Variants in FHL5 observed in about 807,000 individuals in gnomAD.
FHL5 encodes the protein four and a half LIM domains 5.
In FHL5, 33 loss-of-function variants were observed where a neutral mutation model predicts 32.0. That is an observed-to-expected ratio of 1.03 (90% CI 0.78 to 1.38). FHL5 has a LOEUF of 1.38. Ranked by LOEUF, FHL5 falls within the 40% of genes most tolerant of loss-of-function variation. FHL5 has a pLI of 0.00. For missense variants in FHL5, 336 were observed against 343.9 expected (o/e 0.98, Z 0.18); for synonymous variants, 114 against 113.6 (o/e 1.00, Z -0.02).
At chr6:96,610,836 A>G (rs111924366) in intron 5 of FHL5, 78 bp downstream of exon 5, 26,623 of 1,077,102 alleles carry the variant, frequency 0.025, 441 homozygotes, top group Non-Finnish European at 0.027. Context: ...AATTTAGGAA[A>G]AGCAATTAAA....
chr6:96,600,227 T>C (rs962914323), intron 1 of FHL5, among the ~76,000 whole-genome samples: 3 of 152,224 alleles, frequency 2.0e-5, no homozygotes, highest in Non-Finnish European at 2.9e-5. Flanking sequence ...CAAAAGCTTG[T>C]TACTCAATTC....
At chr6:96,592,776 C>T (rs375902685) in intron 1 of FHL5, among the ~76,000 whole-genome samples, 11 of 152,282 alleles carry the variant, frequency 7.2e-5, no homozygotes, top group East Asian at 3.9e-4. Context: ...CCAGTCCCTC[C>T]GTTCAGGGTC....
At chr6:96,563,391 T>C (rs975003844) in intron 1 of FHL5, 36 bp downstream of exon 1, 3 of 152,168 alleles carry the variant, frequency 2.0e-5, no homozygotes, top group African/African-American at 7.2e-5. Flanking sequence ...CTTTGTTTTG[T>C]TTTGTGGTAT....
At chr6:96,567,643 T>C (rs74462104) in intron 1 of FHL5, among the ~76,000 whole-genome samples, 6,824 of 151,850 alleles carry the variant, frequency 0.045, 457 homozygotes, top group African/African-American at 0.14. Context: ...TTCCATTTTT[T>C]GTGTCTTCTT....
chr6:96,573,657 G>C (rs1320032667), intron 1 of FHL5, among the ~76,000 whole-genome samples: 1 of 151,048 alleles, frequency 6.6e-6, no homozygotes, highest in African/African-American at 2.4e-5. Flanking sequence ...TAGTAGCTGG[G>C]ACTACAGGTG....
intron 2 of FHL5, among the ~76,000 whole-genome samples, chr6:96,604,144 AG>A (rs1771217959): frequency 6.6e-6 from 1 of 152,144 alleles, no homozygotes; most frequent in Non-Finnish European, 1.5e-5. Flanking sequence ...TGAAGTTGAA[AG>A]GATTCAAAAT....
chr6:96,588,684 T>A (rs3860230), intron 1 of FHL5, among the ~76,000 whole-genome samples: 35,136 of 151,854 alleles, frequency 0.23, 4,183 homozygotes, highest in Middle Eastern at 0.3. Flanking sequence ...ATTTGCTTAT[T>A]ATGAGTGAAT....
chr6:96,575,031 G>A (rs1274897385), intron 1 of FHL5, among the ~76,000 whole-genome samples: 2 of 152,196 alleles, frequency 1.3e-5, no homozygotes, highest in Admixed American at 6.5e-5. Context: ...AGTGAAGGTA[G>A]TTGGCATATT....
rs374675637 is a variant in FHL5 at position 96,565,265 on chromosome 6, TTAAA to T, written c.-13+1919_-13+1922del. Among the ~76,000 whole-genome samples, 555 of 152,244 alleles carry T rather than the reference TTAAA, an allele frequency of 3.6e-3. 2 individuals are homozygous for T. Among genetic ancestry groups the T allele is most frequent in the African/African-American group, 0.013 (522 of 41,534 alleles). On this transcript the variant is annotated intron_variant, in intron 1 of 5. Coordinates refer to ENST00000450218, the MANE Select transcript of FHL5 (RefSeq NM_001322466.2). The stretch of plus-strand genomic sequence containing the variant: ...ATGTCAACAGCAAGGTTTACATTCA[TTAAA>T]TAAATAAAGCTAGAGAGTCTCTTTG...
chr6:96,567,039 G>A (rs956460398), intron 1 of FHL5, among the ~76,000 whole-genome samples: 1 of 151,742 alleles, frequency 6.6e-6, no homozygotes, highest in African/African-American at 2.4e-5. Flanking sequence ...TGCTATTGAG[G>A]TCTTATCCAT....
chr6:96,605,817 G>A lies in FHL5; in HGVS notation c.335-85G>A, dbSNP rs138076325. Reference sequence around the variant, plus strand: ...TTCATTTATCATCTTAACTTAAAACGTTTTTAAGTAATTTGATCTGTATTT... The same window carrying A: ...TTCATTTATCATCTTAACTTAAAACATTTTTAAGTAATTTGATCTGTATTT... On this transcript the variant is annotated intron_variant, in intron 3 of 5. Transcript: ENST00000450218. The A allele has an allele frequency of 4.4e-5, 48 of 1,086,810 alleles. No individual in the cohort carries two copies. The Middle Eastern group carries it at 6.3e-4, about 14-fold the overall frequency. The allele number at this position is 1,086,810 out of a possible 1,614,324, so 67.3% of individuals were successfully genotyped here.
chr6:96,608,383 T>G (rs1396492104), intron 4 of FHL5, among the ~76,000 whole-genome samples: 1 of 152,226 alleles, frequency 6.6e-6, no homozygotes, highest in Non-Finnish European at 1.5e-5. Flanking sequence ...ATTTTTTATT[T>G]AGTTTTTAAA....
In FHL5 at chr6:96,610,657, G is replaced by C. The variant is rs369896846; in HGVS notation, c.590G>C (p.Cys197Ser). 4.3e-5 allele frequency: 69 copies of C among 1,613,452 alleles called. No homozygotes were observed. The African/African-American group carries it at 8.3e-4, about 19-fold the overall frequency. ...TGTAGTGGCTGTAGGAAAGATCTCT[G>C]TGAAGAACAGTTCATGTCCAGAGAC... ...FLCSGCRKDL[C>S]EEQFMSRDDY... The change falls in exon 5 of 6, where the codon TGT (cysteine) becomes TCT (serine). Residue 197 changes from cysteine to serine, a missense_variant. Physicochemically the swap from Cys to Ser is moderately radical, Grantham distance 112 (BLOSUM62 -1). Transcript: ENST00000450218.
At chr6:96,576,320 C>T (rs1770583250) in intron 1 of FHL5, among the ~76,000 whole-genome samples, 1 of 152,214 alleles carries the variant, frequency 6.6e-6, no homozygotes, top group Non-Finnish European at 1.5e-5. Flanking sequence ...CACCAGGAGT[C>T]TGCTGGCAAA....
intron 2 of FHL5, 60 bp downstream of exon 2, chr6:96,603,832 G>A (rs1771210804): frequency 7.3e-7 from 1 of 1,366,730 alleles, no homozygotes; most frequent in African/African-American, 1.4e-5. Flanking sequence ...GTGGGTTGGA[G>A]TGCCTCTTTT....
chr6:96,617,639 C>T lies in FHL5; in HGVS notation c.*1867C>T, dbSNP rs1025096040. Among the ~76,000 whole-genome samples the T allele has an allele frequency of 1.7e-4, 26 of 152,082 alleles. No homozygotes were observed. Among genetic ancestry groups the T allele is most frequent in the Non-Finnish European group, 1.6e-4 (11 of 67,996 alleles). On this transcript the variant is annotated 3_prime_UTR_variant, in exon 6 of 6. Coordinates refer to ENST00000450218, the MANE Select transcript of FHL5 (RefSeq NM_001322466.2). ...ATATAGAAAATAATAGCACATTACA[C>T]ATAGAGAAAACCAAGCCACTTAGGT...
intron 1 of FHL5, among the ~76,000 whole-genome samples, chr6:96,581,686 T>C (rs956586739): frequency 6.6e-6 from 1 of 152,174 alleles, no homozygotes; most frequent in African/African-American, 2.4e-5. Flanking sequence ...GGTGAATCAA[T>C]GAGGGGCCTC....
rs139620254 is a variant in FHL5, at chr6:96,573,132, T to C, written c.-13+9777T>C. Among the ~76,000 whole-genome samples the C allele has an allele frequency of 3.8e-3, 572 of 152,318 alleles. 6 individuals carry two copies. Among genetic ancestry groups the C allele is most frequent in the African/African-American group, 0.013 (528 of 41,572 alleles). The stretch of plus-strand genomic sequence containing the variant: ...GTAATTCATTCATTCATATTTTCAT[T>C]CATTTATTGATCAGTTAGATCAAGC... On this transcript the variant is annotated intron_variant, in intron 1 of 5. Coordinates refer to ENST00000450218, the MANE Select transcript of FHL5 (RefSeq NM_001322466.2).
At chr6:96,568,439 C>A (rs1347090342) in intron 1 of FHL5, among the ~76,000 whole-genome samples, 1 of 151,614 alleles carries the variant, frequency 6.6e-6, no homozygotes, top group East Asian at 1.9e-4. Context: ...GTTGTTGCAT[C>A]CTTGACTAGT....
Sources: gnomAD v4.1 joint callset for allele counts (sites outside exome capture counted in the v4.1 genomes callset) on GRCh38, gnomAD v4.1.1 for gene constraint, MANE v1.5 for transcripts, NCBI Gene and HGNC (gene_info 2026-07-23, HGNC 2026-07-21) for gene names.